The following CLEC16A variants were observed in gnomAD, a reference collection of about 807,000 sequenced individuals.
CLEC16A encodes protein CLEC16A.
A neutral mutation model predicts 109.5 loss-of-function variants in CLEC16A; 51 were observed. The ratio of observed to expected loss-of-function variants is 0.47; its 90% CI spans 0.37 to 0.59. The LOEUF is 0.59. CLEC16A is among the 20% of genes least tolerant of loss of function. CLEC16A has a pLI of 0.00. For missense variants in CLEC16A, 1,339 were observed against 1,394.0 expected (o/e 0.96, Z 0.63); for synonymous variants, 673 against 564.2 (o/e 1.19, Z -2.73).
chr16:11,011,231 C>T (rs749347967), intron 11 of CLEC16A, among the ~76,000 whole-genome samples: 24 of 152,192 alleles, frequency 1.6e-4, no homozygotes, highest in Non-Finnish European at 3.1e-4. Flanking sequence ...CAGTCACTAT[C>T]GTAATGGGCA....
At chr16:10,966,432 A>G (rs2042511037) in intron 3 of CLEC16A, among the ~76,000 whole-genome samples, 1 of 152,150 alleles carries the variant, frequency 6.6e-6, no homozygotes, top group South Asian at 2.1e-4. Context: ...GGGCATGAGG[A>G]AGTCTTCTGG....
chr16:11,028,066 G>A (rs1293404366), intron 13 of CLEC16A, among the ~76,000 whole-genome samples: 1 of 152,234 alleles, frequency 6.6e-6, no homozygotes, highest in Non-Finnish European at 1.5e-5. Context: ...CGGGCATGGT[G>A]GCGCATGCCT....
chr16:11,123,526 G>A (rs2052582612), intron 20 of CLEC16A, among the ~76,000 whole-genome samples: 1 of 152,144 alleles, frequency 6.6e-6, no homozygotes, highest in South Asian at 2.1e-4. Context: ...CTCCTTTGGG[G>A]TACTCTGTGC....
rs1027272232 is a variant in CLEC16A, at chr16:11,017,832, C to A, written c.1304-2361C>A. The stretch of plus-strand genomic sequence containing the variant: ...CCAGTACTCCTCAAAATGTCCAGGT[C>A]ATCACAAGCAAGGACAGTCTGAGAA... On this transcript the variant is annotated intron_variant, in intron 11 of 23. Coordinates refer to ENST00000409790, the MANE Select transcript of CLEC16A (RefSeq NM_015226.3). 3.3e-5 allele frequency among the ~76,000 whole-genome samples: 5 copies of A among 151,982 alleles called. No individual in the cohort carries two copies. In the South Asian group the frequency reaches 1.0e-3, roughly 32 times the overall value.
Position 11,047,361 on chromosome 16 carries a change from C to G in CLEC16A, c.1866+19C>G, listed in dbSNP as rs568437425. ...CATGACAGTAAGTGAGGGGCTGGGA[C>G]ACACTTGGGCTGGTGTGCGCCTGTG... On this transcript the variant is annotated intron_variant, in intron 17 of 23. Coordinates refer to ENST00000409790, the MANE Select transcript of CLEC16A (RefSeq NM_015226.3). 1.1e-5 allele frequency: 17 copies of G among 1,596,102 alleles called. No individual in the cohort carries two copies. The East Asian group carries it at 3.4e-4, about 32-fold the overall frequency.
intron 22 of CLEC16A, among the ~76,000 whole-genome samples, chr16:11,153,937 C>A (rs78967792): frequency 6.6e-6 from 1 of 152,102 alleles, no homozygotes; most frequent in Non-Finnish European, 1.5e-5. Flanking sequence ...TAATAAGTCC[C>A]CTTTTTGTGG....
intron 5 of CLEC16A, 138 bp from the exon 6 acceptor site, chr16:10,972,416 A>G (rs563130860): frequency 1.4e-6 from 1 of 718,698 alleles, no homozygotes; most frequent in African/African-American, 1.8e-5. Flanking sequence ...TTCTAACCTT[A>G]TCTCTCTGTG....
rs2052335857 is a variant in CLEC16A, at chr16:11,120,646, C to G, written c.2148C>G (p.Ile716Met). ...GCGACTTGATTGCATGTACAGTGAT[C>G]ACCAAGGATGGCGGCATGGTCCAGC... ...NNSDLIACTVITKDGGMVQRF... is the reference protein window; with the variant it reads ...NNSDLIACTVMTKDGGMVQRF... Residue 716 changes from isoleucine to methionine, a missense_variant, in exon 20 of 24, where the codon ATC (isoleucine) becomes ATG (methionine). Coordinates refer to ENST00000409790, the MANE Select transcript of CLEC16A (RefSeq NM_015226.3). 3.7e-6 allele frequency: 6 copies of G among 1,613,122 alleles called. No individual in the cohort carries two copies. The highest frequency in any genetic ancestry group is 5.1e-6 in the Non-Finnish European group (6 of 1,179,500).
chr16:11,167,005 C>T (rs573220654), intron 23 of CLEC16A, among the ~76,000 whole-genome samples: 35 of 152,102 alleles, frequency 2.3e-4, no homozygotes, highest in Non-Finnish European at 4.4e-4. Context: ...CGAGTAGGCA[C>T]GCACTTTGCC....
intron 5 of CLEC16A, among the ~76,000 whole-genome samples, chr16:10,972,266 C>T (rs759824427): frequency 6.6e-6 from 1 of 152,164 alleles, no homozygotes; most frequent in Admixed American, 6.5e-5. Flanking sequence ...AGCAGCTGCC[C>T]CTTTGGGGTC....
In CLEC16A at chr16:11,014,330, T is replaced by A. The variant is rs2045613101; in HGVS notation, c.1304-5863T>A. Among the ~76,000 whole-genome samples, 5 of 152,244 alleles carry A rather than the reference T, an allele frequency of 3.3e-5. No individual in the cohort carries two copies. The South Asian group carries it at 1.0e-3, about 32-fold the overall frequency. On this transcript the variant is annotated intron_variant, in intron 11 of 23. Coordinates refer to ENST00000409790, the MANE Select transcript of CLEC16A (RefSeq NM_015226.3). The stretch of plus-strand genomic sequence containing the variant: ...TGCTGTGTGTATGTACCATAGTTGA[T>A]TCCATCGGTCTGTTATGCCTGGGCA...
intron 7 of CLEC16A, among the ~76,000 whole-genome samples, chr16:10,975,357 C>G (rs1032526708): frequency 6.6e-6 from 1 of 152,018 alleles, no homozygotes; most frequent in Non-Finnish European, 1.5e-5. Flanking sequence ...GTGGAGGAGG[C>G]GAGTCTGGGC....
At chr16:11,092,180 T>C (rs1315579924) in intron 19 of CLEC16A, among the ~76,000 whole-genome samples, 2 of 152,032 alleles carry the variant, frequency 1.3e-5, no homozygotes, top group African/African-American at 4.8e-5. Context: ...ACTCCATCTC[T>C]ACAAAAACGA....
chr16:10,981,136 G>A (rs900445886), intron 9 of CLEC16A, among the ~76,000 whole-genome samples: 2 of 152,202 alleles, frequency 1.3e-5, no homozygotes, highest in African/African-American at 4.8e-5. Flanking sequence ...GCAGGAATTG[G>A]TTGCTTTGTT....
intron 1 of CLEC16A, among the ~76,000 whole-genome samples, chr16:10,953,327 A>G (rs1429866716): frequency 6.6e-6 from 1 of 152,242 alleles, no homozygotes; most frequent in East Asian, 1.9e-4. Flanking sequence ...TTCCATATAG[A>G]AAAACTTAAT....
At chr16:11,114,208 C>A (rs1215247996) in intron 19 of CLEC16A, among the ~76,000 whole-genome samples, 1 of 150,940 alleles carries the variant, frequency 6.6e-6, no homozygotes, top group Non-Finnish European at 1.5e-5. Context: ...CTGGCTGCCC[C>A]CTTCCCCTCA....
chr16:11,122,361 A>C (rs1343526410), intron 20 of CLEC16A, among the ~76,000 whole-genome samples: 1 of 152,216 alleles, frequency 6.6e-6, no homozygotes, highest in African/African-American at 2.4e-5. Context: ...ATGCTTATCT[A>C]TCTAGGCTTT....
In CLEC16A at chr16:11,024,809, C is replaced by T. The variant is rs752474671; in HGVS notation, c.1437-12C>T. 3.2e-6 allele frequency: 5 copies of T among 1,581,616 alleles called. No homozygotes were observed. The African/African-American group carries it at 4.0e-5, about 13-fold the overall frequency. Reference sequence around the variant, plus strand: ...CACCGTGAGGCTCATACATGCCCCTCCTCTTTTCCAGACCCTTCCTGGATA... The same window carrying T: ...CACCGTGAGGCTCATACATGCCCCTTCTCTTTTCCAGACCCTTCCTGGATA... On this transcript the variant is annotated splice_polypyrimidine_tract_variant and intron_variant, in intron 12 of 23. Coordinates refer to ENST00000409790, the MANE Select transcript of CLEC16A (RefSeq NM_015226.3).
intron 23 of CLEC16A, among the ~76,000 whole-genome samples, chr16:11,171,149 A>G (rs1231094979): frequency 1.3e-5 from 2 of 152,196 alleles, no homozygotes; most frequent in Non-Finnish European, 2.9e-5. Context: ...CCCCATGCCC[A>G]TCAGGGCCGC....
Sources: allele counts gnomAD v4.1 joint callset (sites outside exome capture counted in the v4.1 genomes callset), GRCh38; gene constraint gnomAD v4.1.1; transcripts MANE v1.5; gene names NCBI Gene and HGNC (gene_info 2026-07-23, HGNC 2026-07-21).